The following CADM2 variants were observed in gnomAD, a reference collection of about 807,000 sequenced individuals.
The protein encoded by CADM2 is cell adhesion molecule 2, also known as immunoglobulin superfamily member 4D.
A neutral mutation model predicts 49.8 loss-of-function variants in CADM2; 12 were observed. The observed-to-expected ratio is 0.24, with a 90% CI of 0.15 to 0.39. The LOEUF (loss-of-function observed/expected upper bound fraction) is 0.39, where lower values mean the gene tolerates loss of function less well. Ranked by LOEUF, CADM2 falls within the 10% of genes least tolerant of loss-of-function variation. CADM2 has a pLI of 1.00. For missense variants in CADM2, 378 were observed against 492.3 expected (o/e 0.77, Z 2.20); for synonymous variants, 214 against 175.4 (o/e 1.22, Z -1.74).
chr3:85,076,509 T>C (rs1231908253), intron 1 of CADM2, among the ~76,000 whole-genome samples: 2 of 151,446 alleles, frequency 1.3e-5, no homozygotes, highest in East Asian at 4.0e-4. Flanking sequence ...CACCACACCC[T>C]GCTAATTTTT....
intron 1 of CADM2, among the ~76,000 whole-genome samples, chr3:85,290,841 A>T (rs1282810545): frequency 2.0e-5 from 3 of 152,210 alleles, no homozygotes; most frequent in African/African-American, 7.2e-5. Context: ...ATGGGGAAAA[A>T]ACAGAACAGA....
intron 1 of CADM2, among the ~76,000 whole-genome samples, chr3:85,031,676 G>C (rs544206186): frequency 6.6e-6 from 1 of 151,940 alleles, no homozygotes; most frequent in Non-Finnish European, 1.5e-5. Flanking sequence ...CACCACGCCC[G>C]GCTAATTTTT....
At chr3:85,234,152 A>G (rs921128859) in intron 1 of CADM2, among the ~76,000 whole-genome samples, 1 of 152,100 alleles carries the variant, frequency 6.6e-6, no homozygotes, top group African/African-American at 2.4e-5. Context: ...ATTGTGAAGC[A>G]AGGACTTGAA....
intron 1 of CADM2, among the ~76,000 whole-genome samples, chr3:85,508,540 T>G (rs2040460006): frequency 6.6e-6 from 1 of 152,056 alleles, no homozygotes; most frequent in Non-Finnish European, 1.5e-5. Context: ...AAGCCTCAAT[T>G]AAAGTGAGAA....
intron 6 of CADM2, among the ~76,000 whole-genome samples, chr3:85,922,459 A>G (rs1719250767): frequency 6.6e-6 from 1 of 152,096 alleles, no homozygotes; most frequent in Admixed American, 6.6e-5. Context: ...AGAGTGAACA[A>G]CAAATTTTAT....
intron 1 of CADM2, among the ~76,000 whole-genome samples, chr3:85,551,310 G>T (rs2061797087): frequency 6.6e-6 from 1 of 152,090 alleles, no homozygotes; most frequent in Non-Finnish European, 1.5e-5. Context: ...CAATCCTTCA[G>T]CAATTCTGTG....
intron 3 of CADM2, among the ~76,000 whole-genome samples, chr3:85,822,881 T>C (rs1194289315): frequency 2.0e-5 from 3 of 152,216 alleles, no homozygotes; most frequent in African/African-American, 4.8e-5. Context: ...CTGATTATTG[T>C]ACTTAATTTA....
intron 1 of CADM2, among the ~76,000 whole-genome samples, chr3:85,065,219 C>A (rs2036481987): frequency 6.6e-6 from 1 of 151,838 alleles, no homozygotes. Flanking sequence ...TTTAGTTTAG[C>A]TATTTTAAAT....
chr3:85,154,245 G>A (rs1429159234), intron 1 of CADM2, among the ~76,000 whole-genome samples: 1 of 152,162 alleles, frequency 6.6e-6, no homozygotes, highest in African/African-American at 2.4e-5. Context: ...AGTGCTTAAA[G>A]GAGCTGATGG....
intron 7 of CADM2, among the ~76,000 whole-genome samples, chr3:85,956,971 C>G (rs1724143542): frequency 6.6e-6 from 1 of 151,538 alleles, no homozygotes; most frequent in Non-Finnish European, 1.5e-5. Context: ...AAATTACTTC[C>G]TTTGAGTAGT....
At chr3:85,147,057 G>C (rs777456777) in intron 1 of CADM2, among the ~76,000 whole-genome samples, 1 of 152,024 alleles carries the variant, frequency 6.6e-6, no homozygotes, top group Non-Finnish European at 1.5e-5. Flanking sequence ...CGGATCACCT[G>C]AGGTCAGGAG....
chr3:85,961,776 G>A (rs1045168184), intron 8 of CADM2, 129 bp downstream of exon 8: 1 of 456,276 alleles, frequency 2.2e-6, no homozygotes, highest in Non-Finnish European at 3.7e-6. Flanking sequence ...CATCTTATGA[G>A]ATATTTAATT....
chr3:86,045,838 G>T (rs1007548495), intron 8 of CADM2, among the ~76,000 whole-genome samples: 2 of 152,112 alleles, frequency 1.3e-5, no homozygotes, highest in African/African-American at 4.8e-5. Context: ...CAGTAACCCT[G>T]TACAATAAAT....
At chr3:85,089,763 A>AT (rs534762276) in intron 1 of CADM2, among the ~76,000 whole-genome samples, 102 of 152,252 alleles carry the variant, frequency 6.7e-4, no homozygotes, top group Non-Finnish European at 1.1e-3. Context: ...ATCCCCCCAA[A>AT]AAAACACAGT....
chr3:85,488,820 T>G (rs2039542329), intron 1 of CADM2, among the ~76,000 whole-genome samples: 1 of 152,098 alleles, frequency 6.6e-6, no homozygotes, highest in African/African-American at 2.4e-5. Flanking sequence ...TGAGCCACCG[T>G]GCCTGGCCTA....
rs867911637 is a variant in CADM2, at chr3:85,772,033, C to T, written c.89-30014C>T. Among the ~76,000 whole-genome samples the T allele has an allele frequency of 4.3e-4, 49 of 115,276 alleles. No individual in the cohort carries two copies. The South Asian group carries it at 0.012, about 27-fold the overall frequency. The allele number at this position is 115,276 out of a possible 152,430, so 75.6% of individuals were successfully genotyped here. A position where few individuals can be genotyped will look rare whatever the true frequency, so the allele number is the denominator to read the frequency against. ...CTTTTTTTTTTTTTTTTTTTTGGTA[C>T]GTGTATAAAATGTATTGATAAAAGA... On this transcript the variant is annotated intron_variant, in intron 2 of 9. Transcript: ENST00000383699.
chr3:85,206,637 G>A (rs1411712323), intron 1 of CADM2, among the ~76,000 whole-genome samples: 1 of 152,024 alleles, frequency 6.6e-6, no homozygotes, highest in Non-Finnish European at 1.5e-5. Context: ...GCTGATTTAA[G>A]TAACTTTTTT....
chr3:85,185,130 A>G (rs1166351242), intron 1 of CADM2, among the ~76,000 whole-genome samples: 1 of 152,114 alleles, frequency 6.6e-6, no homozygotes, highest in Non-Finnish European at 1.5e-5. Flanking sequence ...GAGTCCCAAG[A>G]TAGGAAAAAT....
At chr3:84,987,114 C>A (rs939401243) in intron 1 of CADM2, among the ~76,000 whole-genome samples, 1 of 151,972 alleles carries the variant, frequency 6.6e-6, no homozygotes, top group Non-Finnish European at 1.5e-5. Flanking sequence ...CAGTCCAGTT[C>A]AATGGAATGT....
Sources: allele counts gnomAD v4.1 joint callset (sites outside exome capture counted in the v4.1 genomes callset), GRCh38; gene constraint gnomAD v4.1.1; transcripts MANE v1.5; gene names NCBI Gene and HGNC (gene_info 2026-07-23, HGNC 2026-07-21).